The following GLTPD2 variants were observed in gnomAD, a reference collection of about 807,000 sequenced individuals.
GLTPD2 encodes the protein glycolipid transfer protein domain containing 2.
In GLTPD2, 12 loss-of-function variants were observed where a neutral mutation model predicts 12.9. The ratio of observed to expected loss-of-function variants is 0.93; its 90% CI spans 0.59 to 1.50. The LOEUF (loss-of-function observed/expected upper bound fraction) is 1.50, where lower values mean the gene tolerates loss of function less well. Ranked by LOEUF, GLTPD2 falls within the 40% of genes most tolerant of loss-of-function variation. The probability of loss-of-function intolerance (pLI) is 0.00; values close to 1 mark genes in which losing one functional copy is unlikely to be tolerated. For synonymous variants in GLTPD2, 199 were observed against 205.6 expected (o/e 0.97, Z 0.27); for missense variants, 450 against 426.2 (o/e 1.06, Z -0.49).
At position 4,789,264 on chromosome 17, in the gene GLTPD2, G is replaced by A; in HGVS notation, c.145G>A (p.Val49Ile). The A allele has an allele frequency of 1.3e-6, 2 of 1,594,326 alleles. No individual in the cohort carries two copies. Among genetic ancestry groups the A allele is most frequent in the Non-Finnish European group, 1.7e-6 (2 of 1,169,926 alleles). ...SGCGPRAQPC[V>I]PGETAPFQVR... ...CTGCGGACCCAGGGCGCAGCCCTGCGTTCCAGGGGAAACGGCGCCCTTCCA... is the reference window on the plus strand; with the variant it reads ...CTGCGGACCCAGGGCGCAGCCCTGCATTCCAGGGGAAACGGCGCCCTTCCA... Residue 49 changes from valine to isoleucine, a missense_variant, in exon 2 of 4, where the codon GTT (valine) becomes ATT (isoleucine). Transcript: ENST00000331264.
At position 4,789,499 on chromosome 17, in the gene GLTPD2, T is replaced by C; in HGVS notation, c.172-12T>C. The C allele has an allele frequency of 6.2e-7, 1 of 1,612,570 alleles. No individual in the cohort carries two copies. Among genetic ancestry groups the C allele is most frequent in the Non-Finnish European group, 8.5e-7 (1 of 1,179,082 alleles). On this transcript the variant is annotated splice_polypyrimidine_tract_variant and intron_variant, in intron 2 of 3. Coordinates refer to ENST00000331264, the MANE Select transcript of GLTPD2 (RefSeq NM_001014985.3). Reference sequence around the variant, plus strand: ...TCTGCTCCCACCTCTTCCCATCGTGTCTCCCCACCAGGTCCGGCAGGAGTC... The same window carrying C: ...TCTGCTCCCACCTCTTCCCATCGTGCCTCCCCACCAGGTCCGGCAGGAGTC...
chr17:4,790,136 T>A lies in GLTPD2; in HGVS notation c.716T>A (p.Leu239His). The stretch of plus-strand genomic sequence containing the variant: ...CGACAGACCGCCCGCCTCGCCTTCC[T>A]CGCCTTCCCGGGTCGCCGCCGCCTG... The part of the protein sequence containing the change: ...LVRQTARLAF[L>H]AFPGRRRLLE... Residue 239 changes from leucine (L) to histidine (H), a missense_variant, in exon 4 of 4, where the codon CTC (leucine) becomes CAC (histidine). Transcript: ENST00000331264. 1 of 1,461,948 alleles carries A rather than the reference T, an allele frequency of 6.8e-7. No individual in the cohort carries two copies. Among genetic ancestry groups the A allele is most frequent in the Non-Finnish European group, 8.9e-7 (1 of 1,117,332 alleles). 90.6% of individuals were successfully genotyped at this position (1,461,948 alleles called of 1,614,324 possible). A position where few individuals can be genotyped will look rare whatever the true frequency, so the allele number is the denominator to read the frequency against.
At position 4,789,687 on chromosome 17, in the gene GLTPD2, C is replaced by T. The variant is rs1375449544; in HGVS notation, c.338+10C>T. On this transcript the variant is annotated intron_variant, in intron 3 of 3. Coordinates refer to ENST00000331264, the MANE Select transcript of GLTPD2 (RefSeq NM_001014985.3). Reference sequence around the variant, plus strand: ...GGAGGGCACTCGTCGAGTGAGTGGCCTCCCGCCCCCCAGCCGGTCCCCGCC... The same window carrying T: ...GGAGGGCACTCGTCGAGTGAGTGGCTTCCCGCCCCCCAGCCGGTCCCCGCC... 1 of 1,604,682 alleles carries T rather than the reference C, an allele frequency of 6.2e-7. No homozygotes were observed. Among genetic ancestry groups the T allele is most frequent in the South Asian group, 1.1e-5 (1 of 90,064 alleles).
rs981390514 is a variant in GLTPD2, at chr17:4,789,080, C to T, written c.69C>T (p.Phe23=). The change falls in exon 1 of 4, where the codon TTC becomes TTT. Residue 23 remains phenylalanine, a synonymous_variant. Coordinates refer to ENST00000331264, the MANE Select transcript of GLTPD2 (RefSeq NM_001014985.3). The part of the protein sequence containing the change: ...WFSHSIPLAI[F]ALLLLYLSVR... ...GCCACTCAATTCCTCTCGCTATCTTCGCGCTGCTGCTGCTTTATCTCAGTG... is the reference window on the plus strand; with the variant it reads ...GCCACTCAATTCCTCTCGCTATCTTTGCGCTGCTGCTGCTTTATCTCAGTG... The T allele has an allele frequency of 1.9e-6, 3 of 1,613,926 alleles. No homozygotes were observed. The African/African-American group carries it at 4.0e-5, about 22-fold the overall frequency.
chr17:4,789,831 G>T lies in GLTPD2; in HGVS notation c.411G>T (p.Glu137Asp), dbSNP rs374100494. The T allele has an allele frequency of 3.0e-4, 489 of 1,610,078 alleles. No homozygotes were observed. Among genetic ancestry groups the T allele is most frequent in the Non-Finnish European group, 3.9e-4 (454 of 1,178,514 alleles). The stretch of plus-strand genomic sequence containing the variant: ...CCTTCACCAAGGTGACAGACCTGGA[G>T]GCTCGGGTGCACGGCCCGGACGCGG... ...REAFTKVTDLEARVHGPDAEH... is the reference protein window; with the variant it reads ...REAFTKVTDLDARVHGPDAEH... The change falls in exon 4 of 4, where the codon GAG becomes GAT. Residue 137 changes from glutamate (E) to aspartate (D), a missense_variant. Coordinates refer to ENST00000331264, the MANE Select transcript of GLTPD2 (RefSeq NM_001014985.3).
rs375244706 is a variant in GLTPD2, at chr17:4,789,582, G to A, written c.243G>A (p.Met81Ile). 9 of 1,613,934 alleles carry A rather than the reference G, an allele frequency of 5.6e-6. No homozygotes were observed. The African/African-American group carries it at 8.0e-5, about 14-fold the overall frequency. The change falls in exon 3 of 4, where the codon ATG (methionine) becomes ATA (isoleucine). Residue 81 changes from methionine (M) to isoleucine (I), a missense_variant. Met to Ile is a conservative substitution (Grantham distance 10, BLOSUM62 1). Transcript: ENST00000331264. ...CTCCGTGTCTGGGCCCTCGGGGGAT[G>A]CTGGGCCGCATGATGAGGCGGTTCC... ...KQPPCLGPRG[M>I]LGRMMRRFHA...
Position 4,790,167 on chromosome 17 carries a change from G to A in GLTPD2, c.747G>A (p.Glu249=). 2 of 1,474,244 alleles carry A rather than the reference G, an allele frequency of 1.4e-6. No homozygotes were observed. Among genetic ancestry groups the A allele is most frequent in the Non-Finnish European group, 8.9e-7 (1 of 1,121,840 alleles). The allele number at this position is 1,474,244 out of a possible 1,614,324, so 91.3% of individuals were successfully genotyped here. The change falls in exon 4 of 4, where the codon GAG becomes GAA. Residue 249 remains glutamate, a synonymous_variant. Coordinates refer to ENST00000331264, the MANE Select transcript of GLTPD2 (RefSeq NM_001014985.3). ...LAFPGRRRLL[E]LACPGATEAE... The stretch of plus-strand genomic sequence containing the variant: ...TCCCGGGTCGCCGCCGCCTGCTGGA[G>A]CTGGCGTGTCCCGGAGCCACCGAGG...
intron 2 of GLTPD2, 87 bp downstream of exon 2, chr17:4,789,377 G>T: frequency 2.0e-6 from 3 of 1,512,148 alleles, no homozygotes; most frequent in Non-Finnish European, 2.7e-6. Flanking sequence ...CCGGCAAAGG[G>T]CGGGTCCTCC....
Position 4,789,497 on chromosome 17 carries a change from T to C in GLTPD2, c.172-14T>C. On this transcript the variant is annotated splice_polypyrimidine_tract_variant and intron_variant, in intron 2 of 3. Transcript: ENST00000331264. ...AATCTGCTCCCACCTCTTCCCATCG[T>C]GTCTCCCCACCAGGTCCGGCAGGAG... The C allele has an allele frequency of 6.2e-7, 1 of 1,612,592 alleles. No individual in the cohort carries two copies. Among genetic ancestry groups the C allele is most frequent in the South Asian group, 1.1e-5 (1 of 91,032 alleles).
intron 2 of GLTPD2, 87 bp from the exon 3 acceptor site, chr17:4,789,424 A>T (rs1352058752): frequency 2.2e-5 from 34 of 1,526,780 alleles, no homozygotes; most frequent in Non-Finnish European, 2.4e-5. Flanking sequence ...CTGAGCGCAC[A>T]GCAGAAGAGC....
chr17:4,789,168 C>T (rs757165635), intron 1 of GLTPD2, 51 bp downstream of exon 1: 40 of 1,606,862 alleles, frequency 2.5e-5, no homozygotes, highest in Non-Finnish European at 3.1e-5. Context: ...GGAATCCAGG[C>T]CCTCACGACT....
rs755225206 is a variant in GLTPD2 at position 4,789,077 on chromosome 17, C to T, written c.66C>T (p.Ile22=). Residue 22 remains isoleucine (I), a synonymous_variant, in exon 1 of 4, where the codon ATC becomes ATT. Transcript: ENST00000331264. Reference sequence around the variant, plus strand: ...TCAGCCACTCAATTCCTCTCGCTATCTTCGCGCTGCTGCTGCTTTATCTCA... The same window carrying T: ...TCAGCCACTCAATTCCTCTCGCTATTTTCGCGCTGCTGCTGCTTTATCTCA... ...HWFSHSIPLA[I]FALLLLYLSV... 5.6e-6 allele frequency: 9 copies of T among 1,613,940 alleles called. No homozygotes were observed. In the East Asian group the frequency reaches 2.0e-4, roughly 36 times the overall value.
chr17:4,790,388 C>T lies in GLTPD2; in HGVS notation c.*92C>T. The T allele has an allele frequency of 9.2e-7, 1 of 1,082,584 alleles. No homozygotes were observed. Among genetic ancestry groups the T allele is most frequent in the East Asian group, 3.3e-5 (1 of 29,976 alleles). The allele number at this position is 1,082,584 out of a possible 1,614,324, so 67.1% of individuals were successfully genotyped here. ...TCAGTCCTGCAGCCCGCGCCGCGGC[C>T]GCCTCCGTATCCCGCCTCTTCCGTG... On this transcript the variant is annotated 3_prime_UTR_variant, in exon 4 of 4. Coordinates refer to ENST00000331264, the MANE Select transcript of GLTPD2 (RefSeq NM_001014985.3).
At position 4,789,801 on chromosome 17, in the gene GLTPD2, G is replaced by A; in HGVS notation, c.381G>A (p.Arg127=). 6.2e-7 allele frequency: 1 copy of A among 1,612,588 alleles called. No homozygotes were observed. The change falls in exon 4 of 4, where the codon AGG becomes AGA. Residue 127 remains arginine (R), a synonymous_variant. Transcript: ENST00000331264. Reference sequence around the variant, plus strand: ...GCTCCGTCTTCGCCTTCGCCACTAGGGAGGCCTTCACCAAGGTGACAGACC... The same window carrying A: ...GCTCCGTCTTCGCCTTCGCCACTAGAGAGGCCTTCACCAAGGTGACAGACC... ...PLGSVFAFAT[R]EAFTKVTDLE...
rs754338293 is a variant in GLTPD2 at position 4,788,987 on chromosome 17, G to T, written c.-25G>T. On this transcript the variant is annotated 5_prime_UTR_variant, in exon 1 of 4. The change creates a new upstream start codon in the 5' untranslated region. Transcript: ENST00000331264. ...ACACGGACTGGCTAGGCGCTGGTGAGGGGGCGGCGGTCCCAGCAGCAGGCA... is the reference window on the plus strand; with the variant it reads ...ACACGGACTGGCTAGGCGCTGGTGATGGGGCGGCGGTCCCAGCAGCAGGCA... 6.2e-7 allele frequency: 1 copy of T among 1,600,454 alleles called. No individual in the cohort carries two copies. Among genetic ancestry groups the T allele is most frequent in the Non-Finnish European group, 8.5e-7 (1 of 1,175,264 alleles).
At chr17:4,789,451 G>A in intron 2 of GLTPD2, 60 bp from the exon 3 acceptor site, 1 of 1,573,772 alleles carries the variant, frequency 6.4e-7, no homozygotes, top group African/African-American at 1.4e-5. Flanking sequence ...CTAAACCTTC[G>A]GAACAATTTC....
rs1238441034 is a variant in GLTPD2, at chr17:4,789,629, G to A, written c.290G>A (p.Gly97Glu). Residue 97 changes from glycine (G) to glutamate (E), a missense_variant, in exon 3 of 4, where the codon GGG (glycine) becomes GAG (glutamate). Gly to Glu is a moderately conservative substitution (Grantham distance 98). Coordinates refer to ENST00000331264, the MANE Select transcript of GLTPD2 (RefSeq NM_001014985.3). Reference sequence around the variant, plus strand: ...TTCCACGCCAGTCTGAAACCCGAAGGGGATGTGGGGCTGTCGCCGTACCTG... The same window carrying A: ...TTCCACGCCAGTCTGAAACCCGAAGAGGATGTGGGGCTGTCGCCGTACCTG... ...RRFHASLKPE[G>E]DVGLSPYLAG... 5.6e-6 allele frequency: 9 copies of A among 1,613,828 alleles called. No individual in the cohort carries two copies. In the Admixed American group the frequency reaches 8.3e-5, roughly 15 times the overall value.
chr17:4,789,090 C>A lies in GLTPD2; in HGVS notation c.79C>A (p.Leu27Met). The A allele has an allele frequency of 2.5e-6, 4 of 1,614,066 alleles. No homozygotes were observed. In the South Asian group the frequency reaches 4.4e-5, roughly 18 times the overall value. ...TCCTCTCGCTATCTTCGCGCTGCTG[C>A]TGCTTTATCTCAGTGTTCGGAGCCT... is the stretch of plus-strand genomic sequence containing the variant. ...SIPLAIFALLLLYLSVRSLGA... is the reference protein window; with the variant it reads ...SIPLAIFALLMLYLSVRSLGA... The change falls in exon 1 of 4, where the codon CTG (leucine) becomes ATG (methionine). Residue 27 changes from leucine (L) to methionine (M), a missense_variant. Leu to Met is a conservative substitution (Grantham distance 15). Coordinates refer to ENST00000331264, the MANE Select transcript of GLTPD2 (RefSeq NM_001014985.3).
chr17:4,790,309 G>T lies in GLTPD2; in HGVS notation c.*13G>T. The T allele has an allele frequency of 3.4e-6, 5 of 1,454,288 alleles. No individual in the cohort carries two copies. The South Asian group carries it at 5.4e-5, about 16-fold the overall frequency. The allele number at this position is 1,454,288 out of a possible 1,614,324, so 90.1% of individuals were successfully genotyped here. A position where few individuals can be genotyped will look rare whatever the true frequency, so the allele number is the denominator to read the frequency against. On this transcript the variant is annotated 3_prime_UTR_variant, in exon 4 of 4. Transcript: ENST00000331264. ...CCAGCTGGCCTAAGACGGCGGCTGC[G>T]GGGACCGGCGGGAACGGAGCGGACC...
Sources: allele counts gnomAD v4.1 joint callset, GRCh38; gene constraint gnomAD v4.1.1; transcripts MANE v1.5; gene names NCBI Gene and HGNC (gene_info 2026-07-23, HGNC 2026-07-21).